The following P2RY8 variants were observed in gnomAD, a reference collection of about 807,000 sequenced individuals.
P2RY8 encodes the protein P2Y receptor family member 8.
Under a neutral mutation model 10.0 loss-of-function variants are expected in P2RY8, and 6 were observed. The observed-to-expected ratio is 0.60, with a 90% CI of 0.33 to 1.19. The LOEUF is 1.19. Among genes scored for constraint, P2RY8 ranks in the 50% most tolerant of loss-of-function variants. P2RY8 has a pLI of 0.04. For synonymous variants in P2RY8, 276 were observed against 252.5 expected, an observed-to-expected ratio of 1.09 and a Z score of -0.88; for missense variants, 456 against 542.0, an observed-to-expected ratio of 0.84 and a Z score of 1.58.
At chrX:1,507,352 C>T (rs1224000002) in intron 1 of P2RY8, among the ~76,000 whole-genome samples, 4 of 152,118 alleles carry the variant, frequency 2.6e-5, no homozygotes, top group African/African-American at 9.7e-5. Context: ...GAACACCTGT[C>T]AGTCAGCACC....
In P2RY8 at chrX:1,465,401, C is replaced by G; in HGVS notation, c.*78G>C. The G allele has an allele frequency of 1.3e-6, 2 of 1,521,692 alleles. No individual in the cohort carries two copies. The highest frequency in any genetic ancestry group is 1.3e-5 in the South Asian group (1 of 77,002). 94.3% of individuals were successfully genotyped at this position (1,521,692 alleles called of 1,614,324 possible). On this transcript the variant is annotated 3_prime_UTR_variant, in exon 2 of 2. Coordinates refer to ENST00000381297, the MANE Select transcript of P2RY8 (RefSeq NM_178129.5). Reference sequence around the variant, plus strand: ...AGCAACGCAGCTGTTCTCCCTGAACCTCTGGCACCGTGGCCTCTCCATGCG... The same window carrying G: ...AGCAACGCAGCTGTTCTCCCTGAACGTCTGGCACCGTGGCCTCTCCATGCG...
chrX:1,501,205 A>G (rs2092175522), intron 1 of P2RY8, among the ~76,000 whole-genome samples: 1 of 152,098 alleles, frequency 6.6e-6, no homozygotes, highest in South Asian at 2.1e-4. Context: ...CTCAGATACC[A>G]TGTCCAGGCT....
At chrX:1,487,896 G>A (rs1358077447) in intron 1 of P2RY8, among the ~76,000 whole-genome samples, 1 of 152,090 alleles carries the variant, frequency 6.6e-6, no homozygotes, top group Admixed American at 6.6e-5. Context: ...GGATCACGAG[G>A]TCAGGAGATC....
chrX:1,518,040 C>T (rs1374905570), intron 1 of P2RY8, among the ~76,000 whole-genome samples: 114 of 151,342 alleles, frequency 7.5e-4, no homozygotes, highest in African/African-American at 2.7e-3. Context: ...ACCTGGGAGG[C>T]GGAGGTTGCA....
At chrX:1,481,520 G>A (rs2091934969) in intron 1 of P2RY8, among the ~76,000 whole-genome samples, 1 of 152,142 alleles carries the variant, frequency 6.6e-6, no homozygotes, top group South Asian at 2.1e-4. Flanking sequence ...TTGGGCTTAA[G>A]GGATCCCAGC....
intron 1 of P2RY8, among the ~76,000 whole-genome samples, chrX:1,535,468 G>T (rs180685174): frequency 4.6e-5 from 7 of 151,482 alleles, no homozygotes; most frequent in Non-Finnish European, 1.0e-4. Flanking sequence ...GATTACAGGC[G>T]TCTGTCACCG....
At chrX:1,511,277 T>C (rs1277591075) in intron 1 of P2RY8, among the ~76,000 whole-genome samples, 6 of 152,252 alleles carry the variant, frequency 3.9e-5, no homozygotes, top group African/African-American at 1.4e-4. Flanking sequence ...CAAGTGAATG[T>C]GGAACTTCTG....
chrX:1,493,662 A>G (rs2092088879), intron 1 of P2RY8, among the ~76,000 whole-genome samples: 1 of 152,166 alleles, frequency 6.6e-6, no homozygotes, highest in Non-Finnish European at 1.5e-5. Flanking sequence ...CATTTTAAAG[A>G]AGGTGGGACT....
intron 1 of P2RY8, among the ~76,000 whole-genome samples, chrX:1,536,411 A>G (rs1320958300): frequency 2.0e-5 from 3 of 151,834 alleles, no homozygotes; most frequent in African/African-American, 4.8e-5. Flanking sequence ...GCAGGCGCCC[A>G]CCACCAAGCC....
intron 1 of P2RY8, among the ~76,000 whole-genome samples, chrX:1,472,355 G>T (rs1397317479): frequency 1.3e-5 from 2 of 151,208 alleles, no homozygotes; most frequent in East Asian, 3.9e-4. Context: ...TGGGTAGATG[G>T]ATGAATAAAT....
chrX:1,466,519 G>C lies in P2RY8; in HGVS notation c.40C>G (p.Leu14Val). 6.2e-7 allele frequency: 1 copy of C among 1,609,960 alleles called. No individual in the cohort carries two copies. The highest frequency in any genetic ancestry group is 8.5e-7 in the Non-Finnish European group (1 of 1,179,484). The change falls in exon 2 of 2, where the codon CTG becomes GTG. Residue 14 changes from leucine (L) to valine (V), a missense_variant. Leu to Val is a conservative substitution (Grantham distance 32). Transcript: ENST00000381297. ...PNSTGPDNAT[L>V]QMLRNPAIAV... ...ATCGCCGGGTTCCGCAGCATCTGCA[G>C]CGTCGCGTTGTCCGGGCCGGTGCTG...
intron 1 of P2RY8, among the ~76,000 whole-genome samples, chrX:1,500,147 C>T (rs1321533584): frequency 6.6e-6 from 1 of 151,872 alleles, no homozygotes. Flanking sequence ...CGTGAGCCAC[C>T]GCGCCCGGCC....
intron 1 of P2RY8, among the ~76,000 whole-genome samples, chrX:1,530,157 G>GATCT (rs1179030530): frequency 5.5e-3 from 233 of 42,536 alleles, no homozygotes; most frequent in African/African-American, 0.011. Flanking sequence ...ATGTATGTAT[G>GATCT]ATCTATCTAT....
chrX:1,496,691 T>TTTTC (rs1303538248), intron 1 of P2RY8, among the ~76,000 whole-genome samples: 2 of 150,920 alleles, frequency 1.3e-5, no homozygotes, highest in East Asian at 2.0e-4. Context: ...TGGGAGTTTT[T>TTTTC]TTTCTTTCTT....
At chrX:1,481,545 G>C (rs767439319) in intron 1 of P2RY8, among the ~76,000 whole-genome samples, 1 of 147,342 alleles carries the variant, frequency 6.8e-6, no homozygotes, top group African/African-American at 2.6e-5. Flanking sequence ...GGTTTAAGGA[G>C]CCCAGCTTTG....
In P2RY8 at chrX:1,516,440, G is replaced by A. The variant is rs55791524; in HGVS notation, c.-25+20481C>T. On this transcript the variant is annotated intron_variant, in intron 1 of 1. Transcript: ENST00000381297. ...AGACTTCCAGCCTCCAGGACTGTGGGAGAATCAATGTCTGTCGTTTCTAAG... is the reference window on the plus strand; with the variant it reads ...AGACTTCCAGCCTCCAGGACTGTGGAAGAATCAATGTCTGTCGTTTCTAAG... Among the ~76,000 whole-genome samples, 578 of 150,274 alleles carry A rather than the reference G, an allele frequency of 3.8e-3. 1 individual carries two copies. Among genetic ancestry groups the A allele is most frequent in the African/African-American group, 0.014 (551 of 40,668 alleles).
intron 1 of P2RY8, among the ~76,000 whole-genome samples, chrX:1,526,805 C>G (rs1395886351): frequency 1.3e-5 from 2 of 152,164 alleles, no homozygotes; most frequent in Non-Finnish European, 2.9e-5. Flanking sequence ...ATTCATGCAT[C>G]GATGAATTCA....
At chrX:1,475,769 G>A (rs183170998) in intron 1 of P2RY8, among the ~76,000 whole-genome samples, 2 of 152,094 alleles carry the variant, frequency 1.3e-5, no homozygotes, top group Admixed American at 1.3e-4. Flanking sequence ...ATATAAAGAC[G>A]GCACTGCAAA....
chrX:1,516,200 A>T (rs1344274614), intron 1 of P2RY8, among the ~76,000 whole-genome samples: 3 of 54,320 alleles, frequency 5.5e-5, no homozygotes, highest in Admixed American at 2.6e-4. Flanking sequence ...TCCACCTCAG[A>T]AAAACAAAAC....
Sources: allele counts gnomAD v4.1 joint callset (sites outside exome capture counted in the v4.1 genomes callset), GRCh38; gene constraint gnomAD v4.1.1; transcripts MANE v1.5; gene names NCBI Gene and HGNC (gene_info 2026-07-23, HGNC 2026-07-21).